Variants in NXPH1 observed in about 807,000 individuals in gnomAD.
The protein encoded by NXPH1 is neurexophilin 1.
In NXPH1, 5 loss-of-function variants were observed where a neutral mutation model predicts 23.7. That is an observed-to-expected ratio of 0.21 (90% CI 0.11 to 0.44). The LOEUF is 0.44. Among genes scored for constraint, NXPH1 ranks in the 20% least tolerant of loss-of-function variants. NXPH1 has a pLI of 0.99. For synonymous variants in NXPH1, 144 were observed against 122.2 expected (o/e 1.18, Z -1.18); for missense variants, 324 against 321.6 (o/e 1.01, Z -0.06).
intron 2 of NXPH1, among the ~76,000 whole-genome samples, chr7:8,461,448 A>G (rs935474066): frequency 6.6e-6 from 1 of 152,198 alleles, no homozygotes; most frequent in African/African-American, 2.4e-5. Flanking sequence ...GACTCTGAAG[A>G]TGGTATTATT....
At chr7:8,470,431 T>A (rs774774903) in intron 2 of NXPH1, among the ~76,000 whole-genome samples, 1 of 152,190 alleles carries the variant, frequency 6.6e-6, no homozygotes, top group South Asian at 2.1e-4. Flanking sequence ...ACATTTTGCT[T>A]TGTTCAAGTT....
rs191884609 is a variant in NXPH1, at chr7:8,751,499, C to G, written c.546C>G (p.Thr182=). Reference sequence around the variant, plus strand: ...TGGAATTTGACTTGGCACAACAAACCGTGATTGATGCCAAAGATTCCAAGT... The same window carrying G: ...TGGAATTTGACTTGGCACAACAAACGGTGATTGATGCCAAAGATTCCAAGT... ...KIVEFDLAQQ[T]VIDAKDSKSF... is the part of the protein sequence containing the mutation. The change falls in exon 3 of 3, where the codon ACC becomes ACG. Residue 182 remains threonine (T), a synonymous_variant. Transcript: ENST00000405863. This position sits in a 1 kb window ranked among gnomAD's most constrained non-coding sequence, Gnocchi z 4.5. 6.2e-7 allele frequency: 1 copy of G among 1,613,622 alleles called. No homozygotes were observed. Among genetic ancestry groups the G allele is most frequent in the African/African-American group, 1.3e-5 (1 of 75,016 alleles).
intron 2 of NXPH1, among the ~76,000 whole-genome samples, chr7:8,675,861 A>T (rs901307486): frequency 3.3e-5 from 5 of 152,076 alleles, no homozygotes; most frequent in African/African-American, 9.7e-5. Context: ...GATTCCAATA[A>T]ATTAGTCAAT....
intron 2 of NXPH1, among the ~76,000 whole-genome samples, chr7:8,568,647 C>CAAAAA (rs79150555): frequency 9.2e-6 from 1 of 108,600 alleles, no homozygotes; most frequent in Non-Finnish European, 2.2e-5. Context: ...TCATTCTTAG[C>CAAAAA]AAAAAAAAAA....
intron 2 of NXPH1, among the ~76,000 whole-genome samples, chr7:8,590,558 G>A (rs572701221): frequency 1.8e-4 from 27 of 152,206 alleles, no homozygotes; most frequent in African/African-American, 6.5e-4. Context: ...TTAAGATCCT[G>A]AAACTAAAGC....
intron 2 of NXPH1, among the ~76,000 whole-genome samples, chr7:8,514,953 C>T (rs999505303): frequency 4.6e-5 from 7 of 152,182 alleles, no homozygotes; most frequent in African/African-American, 1.7e-4. Context: ...TGTCTTCTGT[C>T]CCACACAGAG....
At chr7:8,501,310 A>T (rs1415176310) in intron 2 of NXPH1, among the ~76,000 whole-genome samples, 1 of 152,046 alleles carries the variant, frequency 6.6e-6, no homozygotes, top group Non-Finnish European at 1.5e-5. Flanking sequence ...ATGGCAAATA[A>T]TCAGTTCCTG....
intron 2 of NXPH1, among the ~76,000 whole-genome samples, chr7:8,699,999 C>A (rs1469484963): frequency 6.6e-6 from 1 of 152,078 alleles, no homozygotes; most frequent in Non-Finnish European, 1.5e-5. Flanking sequence ...TGTTAAAAAT[C>A]CAGTGTGAAC....
chr7:8,722,076 G>C (rs1019724995), intron 2 of NXPH1, among the ~76,000 whole-genome samples: 1 of 152,020 alleles, frequency 6.6e-6, no homozygotes. Flanking sequence ...TTATTCATTA[G>C]AGGGTGAAAA....
At chr7:8,726,048 A>G (rs1562466370) in intron 2 of NXPH1, among the ~76,000 whole-genome samples, 2 of 152,198 alleles carry the variant, frequency 1.3e-5, no homozygotes, top group Non-Finnish European at 2.9e-5. Context: ...GTGTTAATTT[A>G]GGCATATTGT....
intron 2 of NXPH1, among the ~76,000 whole-genome samples, chr7:8,480,801 C>T (rs902046261): frequency 7.2e-5 from 11 of 152,186 alleles, no homozygotes; most frequent in Non-Finnish European, 1.5e-4. Flanking sequence ...AAACTTCCCC[C>T]TCCCCACCAA....
At chr7:8,583,011 A>G (rs1584248804) in intron 2 of NXPH1, among the ~76,000 whole-genome samples, 2 of 152,256 alleles carry the variant, frequency 1.3e-5, no homozygotes, top group Middle Eastern at 6.8e-3. Flanking sequence ...GAAGGGGGCC[A>G]AGGGGGCAGG....
At chr7:8,681,231 C>G (rs1012111763) in intron 2 of NXPH1, among the ~76,000 whole-genome samples, 1 of 152,212 alleles carries the variant, frequency 6.6e-6, no homozygotes, top group African/African-American at 2.4e-5. Flanking sequence ...TGAGACCTTT[C>G]TACCATATCA....
intron 2 of NXPH1, among the ~76,000 whole-genome samples, chr7:8,534,787 GA>G (rs986197902): frequency 3.9e-5 from 6 of 152,156 alleles, no homozygotes; most frequent in African/African-American, 1.4e-4. Context: ...GATTGATGAG[GA>G]AATGAAGGCA....
At position 8,642,590 on chromosome 7, in the gene NXPH1, T is replaced by G. The variant is rs143457711; in HGVS notation, c.55-108418T>G. On this transcript the variant is annotated intron_variant, in intron 2 of 2. Coordinates refer to ENST00000405863, the MANE Select transcript of NXPH1 (RefSeq NM_152745.3). ...CTTTTTAATGTTGCCTTTTTGACCA[T>G]CTGTCTGGATTTTGTTATTCTAACA... is the stretch of plus-strand genomic sequence containing the variant. Among the ~76,000 whole-genome samples the G allele has an allele frequency of 7.1e-3, 1,082 of 152,232 alleles. 4 individuals are homozygous for G. Among genetic ancestry groups the G allele is most frequent in the Non-Finnish European group, 0.01 (707 of 68,022 alleles).
At chr7:8,713,087 A>G (rs1469364935) in intron 2 of NXPH1, among the ~76,000 whole-genome samples, 9 of 151,500 alleles carry the variant, frequency 5.9e-5, no homozygotes, top group Non-Finnish European at 1.3e-4. Context: ...TAGGCTTTCT[A>G]TTTTCTACAA....
intron 2 of NXPH1, among the ~76,000 whole-genome samples, chr7:8,589,192 A>C (rs1182133484): frequency 6.6e-6 from 1 of 152,128 alleles, no homozygotes; most frequent in South Asian, 2.1e-4. Flanking sequence ...GAATATTAAA[A>C]AATGGTGACT....
At chr7:8,588,661 G>A (rs1819028092) in intron 2 of NXPH1, among the ~76,000 whole-genome samples, 1 of 152,054 alleles carries the variant, frequency 6.6e-6, no homozygotes, top group Non-Finnish European at 1.5e-5. Context: ...CTTGGGTTAG[G>A]TGCCCAATGG....
chr7:8,453,767 G>C (rs1225214855), intron 2 of NXPH1, among the ~76,000 whole-genome samples: 1 of 151,984 alleles, frequency 6.6e-6, no homozygotes. Flanking sequence ...CTTTTTTATG[G>C]CTGCATAGTA....
Sources: gnomAD v4.1 joint callset for allele counts (sites outside exome capture counted in the v4.1 genomes callset) on GRCh38, gnomAD v4.1.1 for gene constraint, Gnocchi (gnomAD v3.1) non-coding constraint, MANE v1.5 for transcripts, NCBI Gene and HGNC (gene_info 2026-07-23, HGNC 2026-07-21) for gene names.